Variants in MFSD6 observed in about 807,000 individuals in gnomAD.
MFSD6 encodes major facilitator superfamily domain containing 6.
In MFSD6, 26 loss-of-function variants were observed where a neutral mutation model predicts 56.3. The ratio of observed to expected loss-of-function variants is 0.46; its 90% CI spans 0.34 to 0.64. MFSD6 has a LOEUF of 0.64. Ranked by LOEUF, MFSD6 falls within the 30% of genes least tolerant of loss-of-function variation. The probability of loss-of-function intolerance (pLI) is 0.01; values close to 1 mark genes in which losing one functional copy is unlikely to be tolerated. For synonymous variants in MFSD6, 331 were observed against 366.9 expected, an observed-to-expected ratio of 0.90 and a Z score of 1.12; for missense variants, 750 against 986.2, an observed-to-expected ratio of 0.76 and a Z score of 3.21.
chr2:190,421,456 A>G (rs1437924350), intron 2 of MFSD6, among the ~76,000 whole-genome samples: 1 of 150,318 alleles, frequency 6.7e-6, no homozygotes, highest in African/African-American at 2.5e-5. Context: ...AGTGAGAGTT[A>G]TGGATGTATG....
At chr2:190,448,807 A>G (rs1218377109) in intron 3 of MFSD6, among the ~76,000 whole-genome samples, 1 of 152,188 alleles carries the variant, frequency 6.6e-6, no homozygotes. Flanking sequence ...ATGGCAAAAT[A>G]TTCATAATTT....
intron 2 of MFSD6, among the ~76,000 whole-genome samples, chr2:190,430,370 G>A (rs1314032973): frequency 1.3e-5 from 2 of 151,244 alleles, no homozygotes; most frequent in Non-Finnish European, 2.9e-5. Flanking sequence ...CAGTGTTTGT[G>A]TCCCTGGGTA....
At chr2:190,450,373 CA>C (rs1202248221) in intron 3 of MFSD6, among the ~76,000 whole-genome samples, 2 of 152,022 alleles carry the variant, frequency 1.3e-5, no homozygotes, top group Non-Finnish European at 2.9e-5. Flanking sequence ...GTAACAATTC[CA>C]TTCTTATTTC....
At chr2:190,470,498 T>A (rs553375496) in intron 4 of MFSD6, among the ~76,000 whole-genome samples, 1 of 152,318 alleles carries the variant, frequency 6.6e-6, no homozygotes, top group East Asian at 1.9e-4. Flanking sequence ...CCATGTTAGC[T>A]CATATAGTAC....
Position 190,497,351 on chromosome 2 carries a change from G to T in MFSD6, c.1892-88G>T. 1 of 1,447,582 alleles carries T rather than the reference G, an allele frequency of 6.9e-7. No individual in the cohort carries two copies. Among genetic ancestry groups the T allele is most frequent in the East Asian group, 2.3e-5 (1 of 43,552 alleles). 89.7% of individuals were successfully genotyped at this position (1,447,582 alleles called of 1,614,324 possible). ...TCAAGCACTCTGGAATGGGTATATG[G>T]GATTCTTGGTTTATTTATTTATTTT... On this transcript the variant is annotated intron_variant, in intron 6 of 7. Coordinates refer to ENST00000392328, the MANE Select transcript of MFSD6 (RefSeq NM_017694.4). The surrounding 1 kb of genome is among the most constrained non-coding windows in gnomAD (Gnocchi z 5.2).
intron 2 of MFSD6, among the ~76,000 whole-genome samples, chr2:190,427,751 G>A (rs1462361062): frequency 2.0e-5 from 3 of 149,086 alleles, no homozygotes; most frequent in Admixed American, 2.0e-4. Context: ...TTTTTTTTGA[G>A]ACAGAGTTTC....
At chr2:190,441,736 C>T (rs893731313) in intron 3 of MFSD6, among the ~76,000 whole-genome samples, 13 of 152,208 alleles carry the variant, frequency 8.5e-5, no homozygotes, top group South Asian at 6.2e-4. Flanking sequence ...CTCCTCAGCT[C>T]TAGAGACCTC....
chr2:190,472,558 A>G (rs1688012434), intron 4 of MFSD6, among the ~76,000 whole-genome samples: 1 of 152,208 alleles, frequency 6.6e-6, no homozygotes, highest in South Asian at 2.1e-4. Flanking sequence ...AAAGAAACGA[A>G]CAAAGCCTCC....
chr2:190,470,617 A>C lies in MFSD6; in HGVS notation c.1630+762A>C, dbSNP rs575951252. On this transcript the variant is annotated intron_variant, in intron 4 of 7. Coordinates refer to ENST00000392328, the MANE Select transcript of MFSD6 (RefSeq NM_017694.4). ...AGGCTACTAAATCATTAATTGCACT[A>C]AACAGTCTGTGATTTGATTATATAC... Among the ~76,000 whole-genome samples the C allele has an allele frequency of 2.0e-5, 3 of 152,320 alleles. No homozygotes were observed. The East Asian group carries it at 5.8e-4, about 29-fold the overall frequency.
rs947673671 is a variant in MFSD6, at chr2:190,412,097, T to G, written c.-175-3195T>G. 1 of 984,596 alleles carries G rather than the reference T, an allele frequency of 1.0e-6. No homozygotes were observed. Among genetic ancestry groups the G allele is most frequent in the African/African-American group, 1.7e-5 (1 of 57,216 alleles). The allele number at this position is 984,596 out of a possible 1,614,324, so 61.0% of individuals were successfully genotyped here. A position where few individuals can be genotyped will look rare whatever the true frequency, so the allele number is the denominator to read the frequency against. ...TAAAGTTAAACTAATCTGATGCATA[T>G]GTACTTGTTAAATACAGTCCCATAG... is the stretch of plus-strand genomic sequence containing the variant. On this transcript the variant is annotated intron_variant, in intron 1 of 7. Transcript: ENST00000392328. This position sits in a 1 kb window ranked among gnomAD's most constrained non-coding sequence, Gnocchi z 4.1.
At chr2:190,421,691 G>C (rs1450531345) in intron 2 of MFSD6, among the ~76,000 whole-genome samples, 1 of 151,868 alleles carries the variant, frequency 6.6e-6, no homozygotes, top group Non-Finnish European at 1.5e-5. Context: ...AAGTAGCTGG[G>C]ACTGTAAGCA....
chr2:190,433,750 G>T lies in MFSD6; in HGVS notation c.-53-2227G>T, dbSNP rs1263397075. On this transcript the variant is annotated intron_variant, in intron 2 of 7. Transcript: ENST00000392328. The surrounding 1 kb of genome is among the most constrained non-coding windows in gnomAD (Gnocchi z 4.5). ...AGGTCTCCTTAAGTTGTGTTCCATT[G>T]TCTACCTAGGAGCTTTGTAGAGATT... Among the ~76,000 whole-genome samples, 1 of 152,104 alleles carries T rather than the reference G, an allele frequency of 6.6e-6. No homozygotes were observed. Among genetic ancestry groups the T allele is most frequent in the Non-Finnish European group, 1.5e-5 (1 of 68,024 alleles).
intron 4 of MFSD6, among the ~76,000 whole-genome samples, chr2:190,478,790 T>C (rs1485728948): frequency 6.6e-6 from 1 of 151,720 alleles, no homozygotes; most frequent in Non-Finnish European, 1.5e-5. Context: ...AATCAGCACT[T>C]CCGTTTTTTG....
Position 190,418,459 on chromosome 2 carries a change from C to T in MFSD6, c.-54+3046C>T, listed in dbSNP as rs903940053. Among the ~76,000 whole-genome samples, 2 of 152,066 alleles carry T rather than the reference C, an allele frequency of 1.3e-5. No homozygotes were observed. The highest frequency in any genetic ancestry group is 2.9e-5 in the Non-Finnish European group (2 of 68,002). On this transcript the variant is annotated intron_variant, in intron 2 of 7. Coordinates refer to ENST00000392328, the MANE Select transcript of MFSD6 (RefSeq NM_017694.4). The surrounding 1 kb of genome is among the most constrained non-coding windows in gnomAD (Gnocchi z 4.1). ...TACTAGGAGCCTTGGAAAGGCCCAC[C>T]AAGAATGACAAGGTGGTTGGGCACA...
At chr2:190,420,233 CCA>C (rs1685562353) in intron 2 of MFSD6, among the ~76,000 whole-genome samples, 1 of 151,576 alleles carries the variant, frequency 6.6e-6, no homozygotes, top group South Asian at 2.1e-4. Flanking sequence ...GTTGCTTGAA[CCA>C]CAGTTTATTT....
chr2:190,464,239 C>T (rs1687481866), intron 3 of MFSD6, among the ~76,000 whole-genome samples: 1 of 152,168 alleles, frequency 6.6e-6, no homozygotes, highest in Non-Finnish European at 1.5e-5. Flanking sequence ...AAACAATCTT[C>T]ATCTGGGGTC....
intron 3 of MFSD6, among the ~76,000 whole-genome samples, chr2:190,468,340 C>T (rs1401044352): frequency 6.6e-6 from 1 of 151,908 alleles, no homozygotes; most frequent in Non-Finnish European, 1.5e-5. Context: ...TCTTTTTTGT[C>T]TTTTCTTCAT....
chr2:190,493,792 G>T (rs1245127074), intron 6 of MFSD6, among the ~76,000 whole-genome samples: 7 of 152,030 alleles, frequency 4.6e-5, no homozygotes, highest in East Asian at 1.9e-4. Flanking sequence ...GCAAAATCAA[G>T]ATGGAAATTT....
At position 190,500,296 on chromosome 2, in the gene MFSD6, A is replaced by T; in HGVS notation, c.*78A>T. On this transcript the variant is annotated 3_prime_UTR_variant, in exon 8 of 8. Transcript: ENST00000392328. The surrounding 1 kb of genome is among the most constrained non-coding windows in gnomAD (Gnocchi z 5.3). ...CACAGGGTGAGGCCCCCCAGCCAGG[A>T]TATGCCTCCCCTGGAGGAGCACAGC... 1.3e-6 allele frequency: 2 copies of T among 1,495,932 alleles called. No individual in the cohort carries two copies. The highest frequency in any genetic ancestry group is 1.8e-5 in the Admixed American group (1 of 56,666). 92.7% of individuals were successfully genotyped at this position (1,495,932 alleles called of 1,614,324 possible).
Sources: allele counts gnomAD v4.1 joint callset (sites outside exome capture counted in the v4.1 genomes callset), GRCh38; gene constraint gnomAD v4.1.1; non-coding constraint Gnocchi (gnomAD v3.1); transcripts MANE v1.5; gene names NCBI Gene and HGNC (gene_info 2026-07-23, HGNC 2026-07-21).